PDK1: variants seen among roughly 807,000 people sequenced by gnomAD.
PDK1 encodes [Pyruvate dehydrogenase (acetyl-transferring)] kinase isozyme 1, mitochondrial.
Under a neutral mutation model 54.2 loss-of-function variants are expected in PDK1, and 39 were observed. The observed-to-expected ratio is 0.72, with a 90% CI of 0.56 to 0.94. The LOEUF (loss-of-function observed/expected upper bound fraction) is 0.94, where lower values mean the gene tolerates loss of function less well. Ranked by LOEUF, PDK1 falls within the 40% of genes least tolerant of loss-of-function variation. The pLI is 0.00. For missense variants in PDK1, 552 were observed against 566.0 expected (o/e 0.98, Z 0.25); for synonymous variants, 221 against 207.1 (o/e 1.07, Z -0.58).
intron 2 of PDK1, among the ~76,000 whole-genome samples, chr2:172,559,246 C>T (rs1223737134): frequency 6.6e-6 from 1 of 152,172 alleles, no homozygotes; most frequent in East Asian, 1.9e-4. Flanking sequence ...CGTGCCCGAC[C>T]AGAGTCTTAA....
chr2:172,702,426 G>A, the PDK1 span, among the ~76,000 whole-genome samples: 2 of 151,100 alleles, frequency 1.3e-5, no homozygotes, highest in Admixed American at 6.6e-5. Flanking sequence ...GTAGTGAGCC[G>A]AGATCGTGCC....
chr2:172,593,373 C>T (rs1690714162), intron 10 of PDK1, among the ~76,000 whole-genome samples: 1 of 152,150 alleles, frequency 6.6e-6, no homozygotes, highest in Admixed American at 6.5e-5. Context: ...TTTTGATGTA[C>T]TGCCAAGGCT....
At chr2:172,619,664 G>A in the PDK1 span, among the ~76,000 whole-genome samples, 11 of 152,136 alleles carry the variant, frequency 7.2e-5, no homozygotes, top group South Asian at 1.9e-3. Flanking sequence ...ATATTATCTC[G>A]CCACAATTAC....
At chr2:172,653,964 A>T in the PDK1 span, among the ~76,000 whole-genome samples, 1 of 152,246 alleles carries the variant, frequency 6.6e-6, no homozygotes, top group African/African-American at 2.4e-5. Flanking sequence ...TGGGCAAAGG[A>T]TATGAACAGA....
chr2:172,639,155 G>A, the PDK1 span, among the ~76,000 whole-genome samples: 50 of 152,276 alleles, frequency 3.3e-4, no homozygotes, highest in African/African-American at 5.8e-4. Flanking sequence ...TCCAAAAGCC[G>A]GATTACAGGC....
the PDK1 span, among the ~76,000 whole-genome samples, chr2:172,627,951 G>A: frequency 3.3e-5 from 5 of 152,170 alleles, no homozygotes; most frequent in Non-Finnish European, 7.3e-5. Context: ...CCCGCGGGGC[G>A]TGGAGAAAGT....
At chr2:172,668,837 GTA>G in the PDK1 span, among the ~76,000 whole-genome samples, 2 of 129,012 alleles carry the variant, frequency 1.6e-5, no homozygotes, top group Non-Finnish European at 3.3e-5. Context: ...ACATATGTAT[GTA>G]TATACACACA....
the PDK1 span, among the ~76,000 whole-genome samples, chr2:172,696,801 C>T: frequency 6.6e-6 from 1 of 152,002 alleles, no homozygotes; most frequent in Non-Finnish European, 1.5e-5. Context: ...CAATATCTTC[C>T]ACAAGACTAC....
intron 10 of PDK1, among the ~76,000 whole-genome samples, chr2:172,595,272 G>A (rs1239628202): frequency 1.3e-5 from 2 of 152,018 alleles, no homozygotes; most frequent in African/African-American, 4.8e-5. Flanking sequence ...ATCTTGCTAT[G>A]TTGCCCAGGC....
At chr2:172,588,855 G>A (rs1006870049) in intron 9 of PDK1, among the ~76,000 whole-genome samples, 2 of 152,194 alleles carry the variant, frequency 1.3e-5, no homozygotes, top group African/African-American at 4.8e-5. Context: ...CTCTGTTCCA[G>A]ACCTCCTTCT....
the PDK1 span, among the ~76,000 whole-genome samples, chr2:172,719,651 TGTTTCCAATATATGTTTATTTCCA>T: frequency 5.8e-4 from 89 of 152,298 alleles, no homozygotes; most frequent in South Asian, 7.2e-3. Context: ...TTCCAATATA[TGTTTCCAATATATGTTTATTTCCA>T]GTTTCCAATA....
chr2:172,662,724 A>G, the PDK1 span, among the ~76,000 whole-genome samples: 1 of 152,222 alleles, frequency 6.6e-6, no homozygotes, highest in Non-Finnish European at 1.5e-5. Context: ...ACAACCCTAC[A>G]AAGCACTTCT....
intron 8 of PDK1, among the ~76,000 whole-genome samples, chr2:172,571,765 G>A (rs926914129): frequency 6.7e-6 from 1 of 148,970 alleles, no homozygotes; most frequent in African/African-American, 2.5e-5. Flanking sequence ...AAATTCAAAT[G>A]TGTCAGTTCC....
rs1294500807 is a variant in PDK1 at position 172,556,217 on chromosome 2, GGCTTCAGCCGCA to G, written c.76_87del (p.Arg26_Ser29del). The G allele has an allele frequency of 7.0e-7, 1 of 1,425,128 alleles. No individual in the cohort carries two copies. Among genetic ancestry groups the G allele is most frequent in the Non-Finnish European group, 9.1e-7 (1 of 1,097,050 alleles). 88.3% of individuals were successfully genotyped at this position (1,425,128 alleles called of 1,614,324 possible). A position where few individuals can be genotyped will look rare whatever the true frequency, so the allele number is the denominator to read the frequency against. Reference sequence around the variant, plus strand: ...CCCGGGCCCGGGGCTGCGCGCCGCCGGCTTCAGCCGCAGCTTCAGCTCGGACTCGGGCTCCAG... The same window carrying G: ...CCCGGGCCCGGGGCTGCGCGCCGCCGGCTTCAGCTCGGACTCGGGCTCCAG... On this transcript the variant is annotated inframe_deletion, in exon 1 of 11. Coordinates refer to ENST00000282077, the MANE Select transcript of PDK1 (RefSeq NM_002610.5).
At chr2:172,574,350 A>C (rs1276854036) in intron 8 of PDK1, among the ~76,000 whole-genome samples, 1 of 152,144 alleles carries the variant, frequency 6.6e-6, no homozygotes, top group African/African-American at 2.4e-5. Context: ...TAAGTTTTGA[A>C]ATTTGCAAGT....
intron 8 of PDK1, among the ~76,000 whole-genome samples, chr2:172,575,354 CTCTT>C (rs1689521902): frequency 1.3e-5 from 2 of 152,134 alleles, no homozygotes; most frequent in South Asian, 2.1e-4. Flanking sequence ...GAATTTCCCT[CTCTT>C]TCTACATTTT....
chr2:172,600,326 C>T lies in PDK1; in HGVS notation c.*4357C>T, dbSNP rs1291774019. On this transcript the variant is annotated 3_prime_UTR_variant, in exon 11 of 11. Coordinates refer to ENST00000282077, the MANE Select transcript of PDK1 (RefSeq NM_002610.5). ...ATGAAATTATTTGTCCAAAACTGTA[C>T]TCCAGAAATGGAGCCCATATGATTA... is the stretch of plus-strand genomic sequence containing the variant. The T allele has an allele frequency of 6.6e-6, 1 of 152,188 alleles. No homozygotes were observed. 9.4% of individuals were successfully genotyped at this position (152,188 alleles called of 1,614,324 possible).
the PDK1 span, among the ~76,000 whole-genome samples, chr2:172,660,320 G>C: frequency 7.9e-6 from 1 of 127,272 alleles, no homozygotes; most frequent in African/African-American, 3.0e-5. Flanking sequence ...GCAGTGGCAT[G>C]ATCTCGGCTC....
the PDK1 span, among the ~76,000 whole-genome samples, chr2:172,633,572 G>C: frequency 1.5e-5 from 1 of 65,244 alleles, no homozygotes; most frequent in Non-Finnish European, 3.8e-5. Context: ...TTTTTGTTTT[G>C]CTTGTTTTTT....
Sources: allele counts gnomAD v4.1 joint callset (sites outside exome capture counted in the v4.1 genomes callset), GRCh38; gene constraint gnomAD v4.1.1; transcripts MANE v1.5; gene names NCBI Gene and HGNC (gene_info 2026-07-23, HGNC 2026-07-21).